DYNC1H1: variants seen among roughly 807,000 people sequenced by gnomAD.
The protein encoded by DYNC1H1 is cytoplasmic dynein 1 heavy chain 1.
Under a neutral mutation model 527.1 loss-of-function variants are expected in DYNC1H1, and 51 were observed. That is an observed-to-expected ratio of 0.10 (90% confidence interval 0.08 to 0.12). The LOEUF (loss-of-function observed/expected upper bound fraction) is 0.12, where lower values mean the gene tolerates loss of function less well. Among genes scored for constraint, DYNC1H1 ranks in the 10% least tolerant of loss-of-function variants. DYNC1H1 has a pLI of 1.00. For synonymous variants in DYNC1H1, 2,189 were observed against 2,278.8 expected (o/e 0.96, Z 1.12); for missense variants, 2,771 against 5,971.8 (o/e 0.46, Z 17.66).
rs2048338581 is a variant in DYNC1H1, at chr14:102,017,638, T to G, written c.8177+134T>G. 6.7e-7 allele frequency: 1 copy of G among 1,491,808 alleles called. No homozygotes were observed. Among genetic ancestry groups the G allele is most frequent in the African/African-American group, 1.4e-5 (1 of 72,124 alleles). 92.4% of individuals were successfully genotyped at this position (1,491,808 alleles called of 1,614,324 possible). The stretch of plus-strand genomic sequence containing the variant: ...TTATTGTGGATTCCTCTTGGGTTAC[T>G]TCTCTGTGCTGTAATGCCAGGAAAA... On this transcript the variant is annotated intron_variant, in intron 40 of 77. Transcript: ENST00000360184. The surrounding 1 kb of genome is among the most constrained non-coding windows in gnomAD (Gnocchi z 4.6).
chr14:102,036,853 C>G lies in DYNC1H1; in HGVS notation c.10908+211C>G. The G allele has an allele frequency of 3.5e-6, 2 of 572,670 alleles. No homozygotes were observed. Among genetic ancestry groups the G allele is most frequent in the Non-Finnish European group, 6.0e-6 (2 of 333,884 alleles). 35.5% of individuals were successfully genotyped at this position (572,670 alleles called of 1,614,324 possible). ...GGGCGAGGTGGCTCACACCTGTAAT[C>G]TCAGCACTTTGGGAGGCCGAGGCGG... On this transcript the variant is annotated intron_variant, in intron 57 of 77. Transcript: ENST00000360184. The surrounding 1 kb of genome is among the most constrained non-coding windows in gnomAD (Gnocchi z 5.6).
chr14:101,982,244 G>A (rs574207935), intron 5 of DYNC1H1, among the ~76,000 whole-genome samples: 2 of 152,266 alleles, frequency 1.3e-5, no homozygotes, highest in South Asian at 4.1e-4. Flanking sequence ...CCTAGTTGCA[G>A]GAAAACAAGC....
Position 102,042,381 on chromosome 14 carries a change from C to G in DYNC1H1, c.12276-3C>G, listed in dbSNP as rs1443280002. 6.2e-7 allele frequency: 1 copy of G among 1,614,030 alleles called. No homozygotes were observed. ...CTGTGTGACTCTCACTTTGTGTGTG[C>G]AGGTGGGTGATGCTGAAGAATGTGC... is the stretch of plus-strand genomic sequence containing the variant. On this transcript the variant is annotated splice_region_variant and splice_polypyrimidine_tract_variant and intron_variant, in intron 67 of 77. Transcript: ENST00000360184. This position sits in a 1 kb window ranked among gnomAD's most constrained non-coding sequence, Gnocchi z 5.7.
rs1433850111 is a variant in DYNC1H1 at position 102,016,235 on chromosome 14, G to A, written c.7474-114G>A. 18 of 1,515,048 alleles carry A rather than the reference G, an allele frequency of 1.2e-5. No homozygotes were observed. The highest frequency in any genetic ancestry group is 2.4e-5 in the East Asian group (1 of 41,100). The allele number at this position is 1,515,048 out of a possible 1,614,324, so 93.9% of individuals were successfully genotyped here. A position where few individuals can be genotyped will look rare whatever the true frequency, so the allele number is the denominator to read the frequency against. Reference sequence around the variant, plus strand: ...AGGGGCTAGGAAAGGTGCAGTGGGTGTCTGTGATGCAAGAAGACTGGGAAC... The same window carrying A: ...AGGGGCTAGGAAAGGTGCAGTGGGTATCTGTGATGCAAGAAGACTGGGAAC... On this transcript the variant is annotated intron_variant, in intron 36 of 77. Coordinates refer to ENST00000360184, the MANE Select transcript of DYNC1H1 (RefSeq NM_001376.5). The surrounding 1 kb of genome is among the most constrained non-coding windows in gnomAD (Gnocchi z 7.3).
chr14:101,973,411 C>T (rs983800565), intron 1 of DYNC1H1, among the ~76,000 whole-genome samples: 2 of 152,040 alleles, frequency 1.3e-5, no homozygotes, highest in African/African-American at 2.4e-5. Flanking sequence ...CTGCCCGCCT[C>T]GGCCTCCCAA....
At chr14:102,013,531 C>CT (rs1463311606) in intron 34 of DYNC1H1, among the ~76,000 whole-genome samples, 1 of 151,962 alleles carries the variant, frequency 6.6e-6, no homozygotes, top group Non-Finnish European at 1.5e-5. Flanking sequence ...GGCCGGTGTA[C>CT]TTGAGGACAG....
intron 1 of DYNC1H1, among the ~76,000 whole-genome samples, chr14:101,972,261 G>A (rs2047747852): frequency 1.3e-5 from 2 of 151,708 alleles, no homozygotes; most frequent in South Asian, 4.2e-4. Flanking sequence ...ATTATTATTT[G>A]ATGGCAGTTT....
intron 10 of DYNC1H1, 130 bp downstream of exon 10, chr14:101,988,982 C>T (rs2047966103): frequency 2.4e-6 from 3 of 1,255,814 alleles, no homozygotes; most frequent in Admixed American, 4.0e-5. Context: ...TGATGAAGGT[C>T]AGCCTCACCA....
At position 101,986,363 on chromosome 14, in the gene DYNC1H1, T is replaced by C; in HGVS notation, c.2138T>C (p.Val713Ala). 6.2e-7 allele frequency: 1 copy of C among 1,613,836 alleles called. No homozygotes were observed. Reference sequence around the variant, plus strand: ...AAGGTGCAGCAGCGCAACCTCGGTGTCTCGGGGCGCATTTTCACCATCGAA... The same window carrying C: ...AAGGTGCAGCAGCGCAACCTCGGTGCCTCGGGGCGCATTTTCACCATCGAA... The part of the protein sequence containing the change: ...ARKVQQRNLG[V>A]SGRIFTIEST... The change falls in exon 8 of 78, where the codon GTC (valine) becomes GCC (alanine). Residue 713 changes from valine to alanine, a missense_variant. Val to Ala is a moderately conservative substitution (Grantham distance 64). This residue lies in a region of DYNC1H1 where 264 missense variants were observed against 619.4 expected (regional missense o/e 0.43). Transcript: ENST00000360184. This position sits in a 1 kb window ranked among gnomAD's most constrained non-coding sequence, Gnocchi z 8.7.
intron 41 of DYNC1H1, among the ~76,000 whole-genome samples, chr14:102,019,456 T>C (rs1449843936): frequency 6.6e-6 from 1 of 152,258 alleles, no homozygotes; most frequent in Non-Finnish European, 1.5e-5. Flanking sequence ...TTTCCCAGTA[T>C]TTAATTTGCT....
In DYNC1H1 at chr14:102,001,623, A is replaced by G. The variant is rs566164007; in HGVS notation, c.4484A>G (p.Asn1495Ser). 13 of 1,614,122 alleles carry G rather than the reference A, an allele frequency of 8.1e-6. No homozygotes were observed. The highest frequency in any genetic ancestry group is 1.6e-4 in the Middle Eastern group (1 of 6,080). Residue 1495 changes from asparagine (N) to serine (S), a missense_variant, in exon 21 of 78, where the codon AAC becomes AGC. Physicochemically the swap from Asn to Ser is conservative, Grantham distance 46. This residue lies in a region of DYNC1H1 where 223 missense variants were observed against 462.5 expected (regional missense o/e 0.48). Coordinates refer to ENST00000360184, the MANE Select transcript of DYNC1H1 (RefSeq NM_001376.5). This position sits in a 1 kb window ranked among gnomAD's most constrained non-coding sequence, Gnocchi z 5.0. ...ATCCGTGGCTGGGATGACCTCTTCA[A>G]CAAGGTCAAAGAACACATCAACAGC... ...RLIRGWDDLF[N>S]KVKEHINSVS...
intron 56 of DYNC1H1, chr14:102,034,681 G>T: frequency 1.4e-6 from 1 of 714,158 alleles, no homozygotes; most frequent in Non-Finnish European, 2.3e-6. Context: ...AAATCGATTG[G>T]CAGGGGCCAG....
At chr14:102,030,446 T>C (rs2048497907) in intron 51 of DYNC1H1, 164 bp downstream of exon 51, 4 of 1,039,270 alleles carry the variant, frequency 3.8e-6, no homozygotes, top group Middle Eastern at 6.0e-4. Flanking sequence ...ATGCTTGAGA[T>C]TGTCTTCATC....
chr14:102,039,272 G>C lies in DYNC1H1; in HGVS notation c.11460+18G>C. ...TCAAGCAGGTGGGTGCCTTGGCCAT[G>C]CAGAGACTGGCGGGCCCCGCACAGT... On this transcript the variant is annotated intron_variant, in intron 60 of 77. Coordinates refer to ENST00000360184, the MANE Select transcript of DYNC1H1 (RefSeq NM_001376.5). This position sits in a 1 kb window ranked among gnomAD's most constrained non-coding sequence, Gnocchi z 7.0. 6.2e-7 allele frequency: 1 copy of C among 1,612,824 alleles called. No homozygotes were observed. Among genetic ancestry groups the C allele is most frequent in the Non-Finnish European group, 8.5e-7 (1 of 1,180,024 alleles).
chr14:102,033,738 C>A lies in DYNC1H1; in HGVS notation c.10414-238C>A. ...CCACCAGCAGCTCCAGACCTGTTTG[C>A]TCTGCTGCCTGAGGGCCTCGCTCCG... On this transcript the variant is annotated intron_variant, in intron 54 of 77. Transcript: ENST00000360184. The surrounding 1 kb of genome is among the most constrained non-coding windows in gnomAD (Gnocchi z 5.6). 1.5e-6 allele frequency: 1 copy of A among 680,592 alleles called. No homozygotes were observed. Among genetic ancestry groups the A allele is most frequent in the Non-Finnish European group, 2.5e-6 (1 of 398,712 alleles). The allele number at this position is 680,592 out of a possible 1,614,324, so 42.2% of individuals were successfully genotyped here.
chr14:102,028,527 A>G (rs2048476003), intron 48 of DYNC1H1: 2 of 335,380 alleles, frequency 6.0e-6, no homozygotes, highest in Non-Finnish European at 1.2e-5. Context: ...AACAACATAA[A>G]TAGACCTTAG....
chr14:101,984,455 T>TA (rs2047909202), intron 7 of DYNC1H1, among the ~76,000 whole-genome samples: 1 of 124,888 alleles, frequency 8.0e-6, no homozygotes. Flanking sequence ...ATTATATTTT[T>TA]TTTTTTTTTT....
Position 102,005,830 on chromosome 14 carries a change from A to G in DYNC1H1, c.5434-58A>G. ...TCAGTTTAACAGTCCACAAACCCGGAGAATGCACTGTATTGCTTTAGTGTA... is the reference window on the plus strand; with the variant it reads ...TCAGTTTAACAGTCCACAAACCCGGGGAATGCACTGTATTGCTTTAGTGTA... On this transcript the variant is annotated intron_variant, in intron 26 of 77. Coordinates refer to ENST00000360184, the MANE Select transcript of DYNC1H1 (RefSeq NM_001376.5). This position sits in a 1 kb window ranked among gnomAD's most constrained non-coding sequence, Gnocchi z 4.0. 6.2e-7 allele frequency: 1 copy of G among 1,604,992 alleles called. No individual in the cohort carries two copies. Among genetic ancestry groups the G allele is most frequent in the Non-Finnish European group, 8.5e-7 (1 of 1,172,410 alleles).
chr14:102,054,076 A>AT lies in DYNC1H1; in HGVS notation c.*3514dup, dbSNP rs1334566707. ...TTAAAAATGTGTTAGATCAATATTC[A>AT]TATCACCCAAAAACAGCCTGAGAGC... is the stretch of plus-strand genomic sequence containing the variant. On this transcript the variant is annotated 3_prime_UTR_variant, in exon 78 of 78. Coordinates refer to ENST00000360184, the MANE Select transcript of DYNC1H1 (RefSeq NM_001376.5). 3.9e-5 allele frequency: 6 copies of AT among 152,178 alleles called. No individual in the cohort carries two copies. Among genetic ancestry groups the AT allele is most frequent in the Non-Finnish European group, 7.3e-5 (5 of 68,086 alleles). 9.4% of individuals were successfully genotyped at this position (152,178 alleles called of 1,614,324 possible). A position where few individuals can be genotyped will look rare whatever the true frequency, so the allele number is the denominator to read the frequency against.
Sources: allele counts gnomAD v4.1 joint callset (sites outside exome capture counted in the v4.1 genomes callset), GRCh38; gene constraint gnomAD v4.1.1; regional missense constraint gnomAD v4.1.1; non-coding constraint Gnocchi (gnomAD v3.1); transcripts MANE v1.5; gene names NCBI Gene and HGNC (gene_info 2026-07-23, HGNC 2026-07-21).